MAGI2: variants seen among roughly 807,000 people sequenced by gnomAD.
MAGI2 encodes the protein membrane-associated guanylate kinase, WW and PDZ domain-containing protein 2.
MAGI2 carries 35 observed loss-of-function variants against 133.3 expected under a neutral mutation model. The observed-to-expected ratio is 0.26, with a 90% confidence interval of 0.20 to 0.35. MAGI2 has a LOEUF of 0.35. Ranked by LOEUF, MAGI2 falls within the 10% of genes least tolerant of loss-of-function variation. The probability of loss-of-function intolerance (pLI) is 1.00; values close to 1 mark genes in which losing one functional copy is unlikely to be tolerated. For missense variants in MAGI2, 1,636 were observed against 1,863.4 expected, an observed-to-expected ratio of 0.88 and a Z score of 2.25; for synonymous variants, 729 against 710.6, an observed-to-expected ratio of 1.03 and a Z score of -0.41.
chr7:78,970,062 T>A (rs1011597242), intron 2 of MAGI2, among the ~76,000 whole-genome samples: 3 of 152,032 alleles, frequency 2.0e-5, no homozygotes, highest in Non-Finnish European at 4.4e-5. Context: ...CCATCTAATA[T>A]CCCTGATGAG....
intron 1 of MAGI2, among the ~76,000 whole-genome samples, chr7:79,112,331 G>A (rs1201070443): frequency 6.6e-6 from 1 of 152,078 alleles, no homozygotes; most frequent in African/African-American, 2.4e-5. Flanking sequence ...GTCTGTCTCT[G>A]GAACATCCAC....
chr7:79,303,681 A>G (rs1837548241), intron 1 of MAGI2, among the ~76,000 whole-genome samples: 1 of 152,214 alleles, frequency 6.6e-6, no homozygotes, highest in Admixed American at 6.5e-5. Flanking sequence ...ATGAACTCTG[A>G]CAATGTTTAC....
intron 1 of MAGI2, among the ~76,000 whole-genome samples, chr7:79,344,583 T>C (rs1390509935): frequency 6.6e-6 from 1 of 152,020 alleles, no homozygotes; most frequent in Non-Finnish European, 1.5e-5. Flanking sequence ...GGTGCAAAAA[T>C]AAGAAAGTTT....
At chr7:78,873,826 G>T (rs1161904839) in intron 2 of MAGI2, among the ~76,000 whole-genome samples, 2 of 152,026 alleles carry the variant, frequency 1.3e-5, no homozygotes, top group African/African-American at 4.8e-5. Flanking sequence ...GCAAAAAAGT[G>T]CTGAGTACTA....
At chr7:78,856,000 G>A (rs898669839) in intron 2 of MAGI2, among the ~76,000 whole-genome samples, 91 of 152,286 alleles carry the variant, frequency 6.0e-4, no homozygotes, top group African/African-American at 2.0e-3. Flanking sequence ...TTTCTCTGAT[G>A]GCCAGTGACA....
chr7:79,087,042 C>T (rs535719111), intron 1 of MAGI2, among the ~76,000 whole-genome samples: 72 of 151,726 alleles, frequency 4.7e-4, no homozygotes, highest in African/African-American at 1.7e-3. Flanking sequence ...TACCATTTCC[C>T]TCAGAGTTCT....
intron 2 of MAGI2, among the ~76,000 whole-genome samples, chr7:78,671,403 C>G (rs1197459748): frequency 1.3e-5 from 2 of 151,800 alleles, no homozygotes; most frequent in Non-Finnish European, 2.9e-5. Context: ...ACAGTTGACT[C>G]TTAATTTTCT....
At chr7:78,450,312 T>G (rs1788590072) in intron 6 of MAGI2, among the ~76,000 whole-genome samples, 1 of 152,100 alleles carries the variant, frequency 6.6e-6, no homozygotes, top group Admixed American at 6.6e-5. Flanking sequence ...TATATTCTTT[T>G]GAATTATTTA....
chr7:78,073,025 G>C (rs1229528136), intron 21 of MAGI2: 1 of 398,364 alleles, frequency 2.5e-6, no homozygotes, highest in Non-Finnish European at 4.4e-6. Context: ...ATAGAGGCCA[G>C]TACTGCTTCA....
intron 1 of MAGI2, among the ~76,000 whole-genome samples, chr7:79,173,820 C>T (rs1030685120): frequency 1.3e-5 from 2 of 152,016 alleles, no homozygotes; most frequent in African/African-American, 4.8e-5. Context: ...GAAATCAATA[C>T]TAATGGAACA....
chr7:78,722,950 T>C (rs1820406462), intron 2 of MAGI2, among the ~76,000 whole-genome samples: 1 of 152,050 alleles, frequency 6.6e-6, no homozygotes. Context: ...TTGGCTTATC[T>C]AGTTGATGCG....
chr7:78,342,929 G>A (rs1202937179), intron 9 of MAGI2, among the ~76,000 whole-genome samples: 1 of 152,142 alleles, frequency 6.6e-6, no homozygotes, highest in Non-Finnish European at 1.5e-5. Context: ...TGCTCGTTCT[G>A]CACATGTACC....
At chr7:78,783,761 T>C (rs779376918) in intron 2 of MAGI2, among the ~76,000 whole-genome samples, 2 of 152,296 alleles carry the variant, frequency 1.3e-5, no homozygotes, top group Non-Finnish European at 2.9e-5. Context: ...TAGACAGCAG[T>C]GCTGTACTGA....
chr7:78,921,799 T>A (rs898098931), intron 2 of MAGI2, among the ~76,000 whole-genome samples: 74 of 152,076 alleles, frequency 4.9e-4, no homozygotes, highest in Non-Finnish European at 7.8e-4. Flanking sequence ...GCCCAGCTAA[T>A]TTTTTTGTAT....
chr7:78,610,304 T>A (rs1806299541), intron 3 of MAGI2, among the ~76,000 whole-genome samples: 1 of 152,316 alleles, frequency 6.6e-6, no homozygotes, highest in African/African-American at 2.4e-5. Context: ...GAGGACAGGC[T>A]GACTTGGTTT....
intron 6 of MAGI2, among the ~76,000 whole-genome samples, chr7:78,413,360 T>G (rs944208575): frequency 2.0e-5 from 3 of 152,116 alleles, no homozygotes; most frequent in Non-Finnish European, 1.5e-5. Flanking sequence ...TTCATTTATA[T>G]TTCACAAGTA....
intron 6 of MAGI2, among the ~76,000 whole-genome samples, chr7:78,416,479 T>C (rs1798313925): frequency 6.6e-6 from 1 of 152,200 alleles, no homozygotes; most frequent in South Asian, 2.1e-4. Flanking sequence ...TTCCAGGGCC[T>C]ATTACAGTCA....
intron 1 of MAGI2, among the ~76,000 whole-genome samples, chr7:79,027,554 T>C (rs978573768): frequency 6.6e-6 from 1 of 151,966 alleles, no homozygotes; most frequent in African/African-American, 2.4e-5. Context: ...GAAAAGATGA[T>C]GGTCAAAGGG....
At chr7:79,278,986 C>A (rs1835433732) in intron 1 of MAGI2, among the ~76,000 whole-genome samples, 1 of 152,056 alleles carries the variant, frequency 6.6e-6, no homozygotes, top group African/African-American at 2.4e-5. Context: ...ACTCAGAGAA[C>A]AGCTGAGACA....
Sources: allele counts gnomAD v4.1 joint callset (sites outside exome capture counted in the v4.1 genomes callset), GRCh38; gene constraint gnomAD v4.1.1; transcripts MANE v1.5; gene names NCBI Gene and HGNC (gene_info 2026-07-23, HGNC 2026-07-21).